The following CSMD1 variants were observed in gnomAD, a reference collection of about 807,000 sequenced individuals.
The protein encoded by CSMD1 is CUB and Sushi multiple domains 1.
A neutral mutation model predicts 417.5 loss-of-function variants in CSMD1; 213 were observed. The ratio of observed to expected loss-of-function variants is 0.51; its 90% CI spans 0.46 to 0.57. The LOEUF (loss-of-function observed/expected upper bound fraction) is 0.57, where lower values mean the gene tolerates loss of function less well. Ranked by LOEUF, CSMD1 falls within the 20% of genes least tolerant of loss-of-function variation. The pLI is 0.00. For missense variants in CSMD1, 6,923 were observed against 4,529.7 expected, an observed-to-expected ratio of 1.53 and a Z score of -15.17; for synonymous variants, 2,862 against 1,736.8, an observed-to-expected ratio of 1.65 and a Z score of -16.11.
chr8:4,724,757 T>C (rs897088899), intron 1 of CSMD1, among the ~76,000 whole-genome samples: 6 of 152,154 alleles, frequency 3.9e-5, no homozygotes, highest in Non-Finnish European at 8.8e-5. Context: ...ATTTATCACG[T>C]TTTTTAAAAG....
At chr8:3,609,506 A>G (rs2469336) in intron 8 of CSMD1, among the ~76,000 whole-genome samples, 17,112 of 152,208 alleles carry the variant, frequency 0.11, 1,089 homozygotes, top group Non-Finnish European at 0.14. Context: ...GATAGAATTA[A>G]TATTTAGGTT....
chr8:4,820,356 C>A (rs1272346272), intron 1 of CSMD1, among the ~76,000 whole-genome samples: 1 of 152,140 alleles, frequency 6.6e-6, no homozygotes, highest in Non-Finnish European at 1.5e-5. Flanking sequence ...AAGAATGACT[C>A]ATATGCACTT....
intron 1 of CSMD1, among the ~76,000 whole-genome samples, chr8:4,966,753 A>G (rs944330884): frequency 1.3e-5 from 2 of 152,224 alleles, no homozygotes; most frequent in African/African-American, 4.8e-5. Context: ...TGGATTTAAC[A>G]TGTGTCTTAA....
intron 3 of CSMD1, among the ~76,000 whole-genome samples, chr8:4,151,689 A>G (rs963679147): frequency 6.6e-6 from 1 of 152,198 alleles, no homozygotes; most frequent in Non-Finnish European, 1.5e-5. Context: ...AAAAAATCCA[A>G]CTGATTTCCT....
At chr8:3,949,858 C>T in intron 5 of CSMD1, 2 of 454,948 alleles carry the variant, frequency 4.4e-6, no homozygotes, top group South Asian at 3.1e-5. Flanking sequence ...TCCCTGGGGA[C>T]ATGGCCTCCT....
chr8:3,020,114 A>G (rs1374104816), intron 51 of CSMD1, among the ~76,000 whole-genome samples: 1 of 152,178 alleles, frequency 6.6e-6, no homozygotes, highest in East Asian at 1.9e-4. Flanking sequence ...GCCAGACAGG[A>G]GCCAGGCAGC....
chr8:3,523,824 T>C (rs1323182985), intron 10 of CSMD1, among the ~76,000 whole-genome samples: 2 of 119,504 alleles, frequency 1.7e-5, no homozygotes, highest in Admixed American at 8.8e-5. Context: ...CACGCACATA[T>C]GCATGCACAC....
At chr8:3,569,413 T>A (rs369575581) in intron 10 of CSMD1, among the ~76,000 whole-genome samples, 1 of 152,166 alleles carries the variant, frequency 6.6e-6, no homozygotes, top group Non-Finnish European at 1.5e-5. Context: ...GAGATAAGAC[T>A]AGGAAAGAGT....
chr8:4,562,336 T>C (rs1481596295), intron 2 of CSMD1, among the ~76,000 whole-genome samples: 2 of 151,682 alleles, frequency 1.3e-5, no homozygotes, highest in Admixed American at 6.6e-5. Flanking sequence ...CCCCAAGAAA[T>C]GGGAAATGGA....
At chr8:4,055,569 A>T (rs190343576) in intron 3 of CSMD1, among the ~76,000 whole-genome samples, 288 of 152,128 alleles carry the variant, frequency 1.9e-3, no homozygotes, top group Non-Finnish European at 2.3e-3. Context: ...AAAGAAGAAG[A>T]GTCAAAATCA....
chr8:3,580,524 T>C (rs557426130), intron 9 of CSMD1, among the ~76,000 whole-genome samples: 9 of 152,264 alleles, frequency 5.9e-5, no homozygotes, highest in Admixed American at 6.5e-5. Context: ...TTGATGTCAA[T>C]AGAGTATGAG....
chr8:4,243,488 A>T (rs1802525015), intron 3 of CSMD1, among the ~76,000 whole-genome samples: 1 of 152,186 alleles, frequency 6.6e-6, no homozygotes, highest in South Asian at 2.1e-4. Context: ...TACTCAAAAC[A>T]GAAACTTTCT....
intron 54 of CSMD1, among the ~76,000 whole-genome samples, chr8:2,990,362 T>C (rs1806270385): frequency 6.6e-6 from 1 of 152,158 alleles, no homozygotes; most frequent in African/African-American, 2.4e-5. Flanking sequence ...CAATAAATAT[T>C]TCATGTATAG....
At chr8:4,387,449 T>C (rs1285620743) in intron 3 of CSMD1, among the ~76,000 whole-genome samples, 1 of 150,772 alleles carries the variant, frequency 6.6e-6, no homozygotes, top group Non-Finnish European at 1.5e-5. Flanking sequence ...ATATGCTTGG[T>C]CTCCATAATC....
intron 6 of CSMD1, among the ~76,000 whole-genome samples, chr8:3,739,484 T>C (rs943383179): frequency 6.6e-6 from 1 of 152,224 alleles, no homozygotes; most frequent in Admixed American, 6.5e-5. Context: ...ACTACACATA[T>C]TATGTTTCAA....
At chr8:4,223,764 G>A (rs559903948) in intron 3 of CSMD1, among the ~76,000 whole-genome samples, 53 of 152,300 alleles carry the variant, frequency 3.5e-4, no homozygotes, top group African/African-American at 8.7e-4. Flanking sequence ...TCTAGCAAAG[G>A]TGACCTAGTC....
intron 12 of CSMD1, among the ~76,000 whole-genome samples, chr8:3,416,615 G>A (rs540217284): frequency 6.6e-6 from 1 of 152,348 alleles, no homozygotes; most frequent in African/African-American, 2.4e-5. Flanking sequence ...GGGTGTCCCA[G>A]GAGCTACATG....
intron 49 of CSMD1, among the ~76,000 whole-genome samples, chr8:3,062,809 G>A (rs1812672318): frequency 6.6e-6 from 1 of 152,166 alleles, no homozygotes; most frequent in African/African-American, 2.4e-5. Context: ...CCTCTAGAAT[G>A]TTTACTCAGG....
At chr8:4,103,336 T>G (rs1435624398) in intron 3 of CSMD1, among the ~76,000 whole-genome samples, 1 of 151,386 alleles carries the variant, frequency 6.6e-6, no homozygotes, top group Non-Finnish European at 1.5e-5. Flanking sequence ...TTCTCCAGAG[T>G]AGAAAAAAGT....
Sources: allele counts gnomAD v4.1 joint callset (sites outside exome capture counted in the v4.1 genomes callset), GRCh38; gene constraint gnomAD v4.1.1; transcripts MANE v1.5; gene names NCBI Gene and HGNC (gene_info 2026-07-23, HGNC 2026-07-21).